The following TRIM9 variants were observed in gnomAD, a reference collection of about 807,000 sequenced individuals.
TRIM9 encodes the protein tripartite motif containing 9, also known as E3 ubiquitin-protein ligase TRIM9.
In TRIM9, 26 loss-of-function variants were observed where a neutral mutation model predicts 78.3. The observed-to-expected ratio is 0.33, with a 90% CI of 0.24 to 0.46. The LOEUF is 0.46. TRIM9 is among the 20% of genes least tolerant of loss of function. The probability of loss-of-function intolerance (pLI) is 1.00; values close to 1 mark genes in which losing one functional copy is unlikely to be tolerated. For missense variants in TRIM9, 787 were observed against 1,036.4 expected (o/e 0.76, Z 3.30); for synonymous variants, 398 against 416.5 (o/e 0.96, Z 0.54).
chr14:51,089,194 C>T (rs146172430), intron 1 of TRIM9: 1 of 152,280 alleles, frequency 6.6e-6, no homozygotes, highest in African/African-American at 2.4e-5. Flanking sequence ...TCTGAGATCA[C>T]CTAAGTGGGT....
At chr14:51,084,571 AC>A (rs967055531) in intron 1 of TRIM9, among the ~76,000 whole-genome samples, 3 of 152,220 alleles carry the variant, frequency 2.0e-5, no homozygotes, top group African/African-American at 7.2e-5. Context: ...TGTTAAAAGC[AC>A]CATAGATTTA....
chr14:51,086,923 G>A (rs940507526), intron 1 of TRIM9, among the ~76,000 whole-genome samples: 9 of 152,048 alleles, frequency 5.9e-5, no homozygotes, highest in African/African-American at 2.2e-4. Context: ...AAGTTTTCTT[G>A]CTTTTGCAGC....
At chr14:51,021,698 G>A (rs2057776857) in intron 3 of TRIM9, among the ~76,000 whole-genome samples, 1 of 152,302 alleles carries the variant, frequency 6.6e-6, no homozygotes, top group South Asian at 2.1e-4. Context: ...CTGGCCACAT[G>A]TGTGGGCCTC....
intron 3 of TRIM9, among the ~76,000 whole-genome samples, chr14:51,012,251 CT>C (rs1022313848): frequency 6.6e-6 from 1 of 152,216 alleles, no homozygotes. Context: ...CTCCCAGCCC[CT>C]GGCAACCGCC....
rs144367169 is a variant in TRIM9, at chr14:50,990,904, C to T, written c.1604-4760G>A. On this transcript the variant is annotated intron_variant, in intron 7 of 12. Coordinates refer to ENST00000684578, the MANE Select transcript of TRIM9 (RefSeq NM_001387360.1). ...ACAAAGAAATGAATGAAGAATGAGGCTGTTTTCATAAATGGTCTTATAAGC... is the reference window on the plus strand; with the variant it reads ...ACAAAGAAATGAATGAAGAATGAGGTTGTTTTCATAAATGGTCTTATAAGC... Among the ~76,000 whole-genome samples, 959 of 152,258 alleles carry T rather than the reference C, an allele frequency of 6.3e-3. 5 individuals are homozygous for T. Among genetic ancestry groups the T allele is most frequent in the African/African-American group, 0.02 (838 of 41,532 alleles).
intron 1 of TRIM9, among the ~76,000 whole-genome samples, chr14:51,055,626 G>T (rs1220927622): frequency 6.6e-6 from 1 of 152,180 alleles, no homozygotes; most frequent in Admixed American, 6.5e-5. Context: ...AGGAATGTGG[G>T]TGCCTTCTAG....
chr14:50,998,921 T>C (rs894070124), intron 6 of TRIM9, among the ~76,000 whole-genome samples: 5 of 152,226 alleles, frequency 3.3e-5, no homozygotes, highest in African/African-American at 1.2e-4. Flanking sequence ...AGCCTTAATA[T>C]GACAACTCTC....
At chr14:51,058,251 T>C (rs2061045835) in intron 1 of TRIM9, among the ~76,000 whole-genome samples, 2 of 152,154 alleles carry the variant, frequency 1.3e-5, no homozygotes, top group South Asian at 2.1e-4. Flanking sequence ...CTAAGTTCAT[T>C]CCAGACATGA....
intron 3 of TRIM9, among the ~76,000 whole-genome samples, chr14:51,019,321 C>T (rs1465688133): frequency 3.4e-4 from 51 of 152,214 alleles, no homozygotes; most frequent in Non-Finnish European, 5.9e-5. Context: ...TTCTGACATT[C>T]GCATTAGTTC....
intron 1 of TRIM9, among the ~76,000 whole-genome samples, chr14:51,064,796 G>A (rs1411255274): frequency 6.6e-6 from 1 of 151,726 alleles, no homozygotes; most frequent in East Asian, 1.9e-4. Context: ...TGAACCAAAT[G>A]GAGACAAGAA....
chr14:51,062,840 T>A (rs72687155), intron 1 of TRIM9, among the ~76,000 whole-genome samples: 29,975 of 152,218 alleles, frequency 0.2, 3,134 homozygotes, highest in Non-Finnish European at 0.24. Context: ...GATATCTGCA[T>A]CTGCCAAGTG....
At position 51,094,765 on chromosome 14, in the gene TRIM9, C is replaced by T. The variant is rs2064776500; in HGVS notation, c.175G>A (p.Asp59Asn). ...TTGTCCAGGTCCAGATAGTCATAGT[C>T]GGAGACCCCGGAGCCCGCGGCCCGA... ...SHRAAGSGVS[D>N]YDYLDLDKMS... Residue 59 changes from aspartate to asparagine, a missense_variant, in exon 1 of 13, where the codon GAC becomes AAC. Physicochemically the swap from Asp to Asn is conservative, Grantham distance 23 (BLOSUM62 1). Around this residue, in one of 3 missense-constraint regions of TRIM9, gnomAD observed 352 missense variants for 472.3 expected, o/e 0.75. Transcript: ENST00000684578. The T allele has an allele frequency of 1.3e-6, 2 of 1,527,924 alleles. No homozygotes were observed. The highest frequency in any genetic ancestry group is 2.2e-5 in the Admixed American group (1 of 45,882). 94.6% of individuals were successfully genotyped at this position (1,527,924 alleles called of 1,614,324 possible).
rs894644416 is a variant in TRIM9 at position 50,975,413 on chromosome 14, C to G, written c.*1878G>C. 3 of 152,556 alleles carry G rather than the reference C, an allele frequency of 2.0e-5. No homozygotes were observed. The highest frequency in any genetic ancestry group is 4.4e-5 in the Non-Finnish European group (3 of 68,034). The allele number at this position is 152,556 out of a possible 1,614,324, so 9.5% of individuals were successfully genotyped here. ...TTAGCAGGATGAATTTAATAAAGAA[C>G]AAGAGGAACTATGAGTCTACCACGG... On this transcript the variant is annotated 3_prime_UTR_variant, in exon 13 of 13. Transcript: ENST00000684578.
At chr14:51,072,427 G>A (rs774013214) in intron 1 of TRIM9, among the ~76,000 whole-genome samples, 1 of 151,958 alleles carries the variant, frequency 6.6e-6, no homozygotes, top group Non-Finnish European at 1.5e-5. Flanking sequence ...ACTGCATCCA[G>A]GTATCTAAAT....
intron 8 of TRIM9, among the ~76,000 whole-genome samples, chr14:50,985,616 C>T (rs1316754475): frequency 6.6e-6 from 1 of 152,142 alleles, no homozygotes; most frequent in Non-Finnish European, 1.5e-5. Context: ...CTGCCATGGC[C>T]GCCACTCAGC....
intron 1 of TRIM9, among the ~76,000 whole-genome samples, chr14:51,043,462 A>G (rs2059715708): frequency 6.6e-6 from 1 of 152,244 alleles, no homozygotes. Context: ...TAGTGCTGAA[A>G]TGCCTGTTGG....
At chr14:51,057,956 G>C (rs1185622546) in intron 1 of TRIM9, among the ~76,000 whole-genome samples, 1 of 152,136 alleles carries the variant, frequency 6.6e-6, no homozygotes, top group African/African-American at 2.4e-5. Context: ...CTTATTTCAA[G>C]CCAGTTTACT....
intron 3 of TRIM9, among the ~76,000 whole-genome samples, chr14:51,019,887 A>G (rs2057580846): frequency 6.6e-6 from 1 of 152,210 alleles, no homozygotes; most frequent in Non-Finnish European, 1.5e-5. Context: ...ACTCAGTTCC[A>G]TCTTGCCTCA....
intron 4 of TRIM9, among the ~76,000 whole-genome samples, chr14:51,009,577 T>C (rs1169775784): frequency 1.3e-5 from 2 of 152,240 alleles, no homozygotes; most frequent in Non-Finnish European, 2.9e-5. Context: ...TAATTTCTAT[T>C]AGAATCAATA....
Sources: allele counts gnomAD v4.1 joint callset (sites outside exome capture counted in the v4.1 genomes callset), GRCh38; gene constraint gnomAD v4.1.1; regional missense constraint gnomAD v4.1.1; transcripts MANE v1.5; gene names NCBI Gene and HGNC (gene_info 2026-07-23, HGNC 2026-07-21).